Variants in KLF12 observed in about 807,000 individuals in gnomAD.
KLF12 encodes the protein KLF transcription factor 12.
KLF12 carries 9 observed loss-of-function variants against 37.8 expected under a neutral mutation model. The observed-to-expected ratio is 0.24, with a 90% CI of 0.14 to 0.42. The LOEUF is 0.42. Among genes scored for constraint, KLF12 ranks in the 10% least tolerant of loss-of-function variants. The pLI, the probability that KLF12 is intolerant of heterozygous loss-of-function variation, is 1.00. For synonymous variants in KLF12, 208 were observed against 202.1 expected (o/e 1.03, Z -0.25); for missense variants, 411 against 516.0 (o/e 0.80, Z 1.97).
In KLF12 at chr13:73,695,081, AG is replaced by A. The variant is rs1874045135; in HGVS notation, c.*408del. The A allele has an allele frequency of 1.2e-5, 2 of 162,272 alleles. No individual in the cohort carries two copies. The highest frequency in any genetic ancestry group is 1.2e-4 in the Admixed American group (2 of 16,248). The allele number at this position is 162,272 out of a possible 1,614,324, so 10.1% of individuals were successfully genotyped here. On this transcript the variant is annotated 3_prime_UTR_variant, in exon 8 of 8. Transcript: ENST00000377669. Reference sequence around the variant, plus strand: ...CTAAAATTTCTGTAAAAAGGGGTTAAGGGATGGGATGATGGGAGATTCATCC... The same window carrying A: ...CTAAAATTTCTGTAAAAAGGGGTTAAGGATGGGATGATGGGAGATTCATCC...
intron 7 of KLF12, among the ~76,000 whole-genome samples, chr13:73,710,205 T>A (rs1003369268): frequency 2.0e-5 from 3 of 152,130 alleles, no homozygotes; most frequent in African/African-American, 7.2e-5. Context: ...CATGTTTAGG[T>A]TTAAAAGAAA....
intron 3 of KLF12, among the ~76,000 whole-genome samples, chr13:73,933,591 G>A (rs539593368): frequency 6.6e-6 from 1 of 152,258 alleles, no homozygotes; most frequent in East Asian, 1.9e-4. Context: ...TTCCTCTAGA[G>A]TTACAAGAAG....
intron 6 of KLF12, among the ~76,000 whole-genome samples, chr13:73,751,453 A>T (rs1204389705): frequency 6.6e-6 from 1 of 152,146 alleles, no homozygotes; most frequent in Non-Finnish European, 1.5e-5. Flanking sequence ...TGGAATCTAA[A>T]CAGACCTGTT....
intron 2 of KLF12, among the ~76,000 whole-genome samples, chr13:73,976,843 T>C (rs1208936529): frequency 1.3e-5 from 2 of 152,124 alleles, no homozygotes; most frequent in African/African-American, 4.8e-5. Context: ...CTACTTAGCA[T>C]AGTTCAAAAC....
intron 2 of KLF12, among the ~76,000 whole-genome samples, chr13:73,974,206 T>C (rs1403786441): frequency 6.6e-6 from 1 of 151,714 alleles, no homozygotes. Flanking sequence ...GTATAAACTT[T>C]CCCTAACACG....
At chr13:74,251,543 G>C in the KLF12 span, among the ~76,000 whole-genome samples, 1 of 152,124 alleles carries the variant, frequency 6.6e-6, no homozygotes, top group Non-Finnish European at 1.5e-5. Flanking sequence ...ACTGAGGTCT[G>C]ATGTGCTAAG....
At chr13:74,194,636 G>A in the KLF12 span, among the ~76,000 whole-genome samples, 7 of 152,224 alleles carry the variant, frequency 4.6e-5, no homozygotes, top group African/African-American at 1.7e-4. Context: ...CTAACACTTT[G>A]GCAAATACCT....
the KLF12 span, among the ~76,000 whole-genome samples, chr13:74,274,885 A>G: frequency 6.6e-6 from 1 of 152,176 alleles, no homozygotes; most frequent in Non-Finnish European, 1.5e-5. Flanking sequence ...TCAATTTTTT[A>G]AATTCCATTT....
rs563804702 is a variant in KLF12, at chr13:73,943,375, T to C, written c.123+606A>G. 2.6e-5 allele frequency among the ~76,000 whole-genome samples: 4 copies of C among 152,348 alleles called. No individual in the cohort carries two copies. In the South Asian group the frequency reaches 8.3e-4, roughly 32 times the overall value. Reference sequence around the variant, plus strand: ...CCATAAATGTTCATTATAAAATCTATGTCATTAAAAAAATATGCACTCATA... The same window carrying C: ...CCATAAATGTTCATTATAAAATCTACGTCATTAAAAAAATATGCACTCATA... On this transcript the variant is annotated intron_variant, in intron 3 of 7. Transcript: ENST00000377669.
intron 3 of KLF12, among the ~76,000 whole-genome samples, chr13:73,904,319 T>C (rs1468093141): frequency 1.3e-5 from 2 of 152,194 alleles, no homozygotes; most frequent in East Asian, 3.9e-4. Flanking sequence ...GTAACAATCA[T>C]TGCCCAAAAA....
intron 7 of KLF12, among the ~76,000 whole-genome samples, chr13:73,697,068 GAATGTATTAATA>G (rs1874201332): frequency 6.8e-6 from 1 of 146,314 alleles, no homozygotes; most frequent in South Asian, 2.2e-4. Context: ...GCAAGTACTT[GAATGTATTAATA>G]CAACTGCAAC....
chr13:73,935,959 T>C (rs1459495278), intron 3 of KLF12, among the ~76,000 whole-genome samples: 1 of 152,200 alleles, frequency 6.6e-6, no homozygotes, highest in African/African-American at 2.4e-5. Context: ...GTATGTTTCA[T>C]CTGTTTAATT....
chr13:74,302,051 T>C, the KLF12 span, among the ~76,000 whole-genome samples: 7 of 152,146 alleles, frequency 4.6e-5, no homozygotes, highest in Non-Finnish European at 1.0e-4. Flanking sequence ...AGGATGTTTT[T>C]GGTTTGGGGT....
rs1372806142 is a variant in KLF12 at position 73,686,468 on chromosome 13, T to A, written c.*9022A>T. ...CACTTACATAATATTAATAAACTTA[T>A]AACAGGGTTGCCTAAACACTACAGA... On this transcript the variant is annotated 3_prime_UTR_variant, in exon 8 of 8. Transcript: ENST00000377669. 1 of 152,648 alleles carries A rather than the reference T, an allele frequency of 6.6e-6. No homozygotes were observed. Among genetic ancestry groups the A allele is most frequent in the Non-Finnish European group, 1.5e-5 (1 of 68,038 alleles). 9.5% of individuals were successfully genotyped at this position (152,648 alleles called of 1,614,324 possible). A position where few individuals can be genotyped will look rare whatever the true frequency, so the allele number is the denominator to read the frequency against.
chr13:74,030,648 A>G (rs1893090376), intron 1 of KLF12, among the ~76,000 whole-genome samples: 1 of 152,128 alleles, frequency 6.6e-6, no homozygotes, highest in African/African-American at 2.4e-5. Flanking sequence ...GCCAATTAGT[A>G]TCACTTCTTA....
chr13:73,865,415 A>G (rs1886124486), intron 3 of KLF12, among the ~76,000 whole-genome samples: 1 of 152,176 alleles, frequency 6.6e-6, no homozygotes, highest in East Asian at 1.9e-4. Context: ...ACAGTAACAA[A>G]ACTAGATTAA....
At position 73,845,882 on chromosome 13, in the gene KLF12, A is replaced by G. The variant is rs35979915; in HGVS notation, c.615T>C (p.Asn205=). Reference sequence around the variant, plus strand: ...GCGGCACGACAATAGTGTTGTTCACATTTCCAGGTGACCTTACAGCTGTGT... The same window carrying G: ...GCGGCACGACAATAGTGTTGTTCACGTTTCCAGGTGACCTTACAGCTGTGT... Residue 205 remains asparagine, a synonymous_variant, in exon 4 of 8, where the codon AAT becomes AAC. Coordinates refer to ENST00000377669, the MANE Select transcript of KLF12 (RefSeq NM_007249.5). 6.1e-4 allele frequency: 980 copies of G among 1,614,132 alleles called. 9 individuals carry two copies. In the African/African-American group the frequency reaches 0.012, roughly 20 times the overall value.
At chr13:73,803,185 C>T (rs1594108390) in intron 5 of KLF12, among the ~76,000 whole-genome samples, 1 of 152,288 alleles carries the variant, frequency 6.6e-6, no homozygotes, top group South Asian at 2.1e-4. Context: ...TCTGACTTCT[C>T]CCTAGGGATT....
chr13:74,046,626 C>G (rs956237693), intron 1 of KLF12, among the ~76,000 whole-genome samples: 8 of 152,024 alleles, frequency 5.3e-5, no homozygotes, highest in Non-Finnish European at 1.2e-4. Context: ...AAGAGAGTTA[C>G]TGTAAGAGAT....
Sources: gnomAD v4.1 joint callset for allele counts (sites outside exome capture counted in the v4.1 genomes callset) on GRCh38, gnomAD v4.1.1 for gene constraint, MANE v1.5 for transcripts, NCBI Gene and HGNC (gene_info 2026-07-23, HGNC 2026-07-21) for gene names.